AIG1: variants seen among roughly 807,000 people sequenced by gnomAD.
AIG1 encodes the protein androgen induced 1, also known as androgen-induced gene 1 protein.
Under a neutral mutation model 31.4 loss-of-function variants are expected in AIG1, and 23 were observed. The observed-to-expected ratio is 0.73, with a 90% confidence interval of 0.53 to 1.04. The LOEUF is 1.04. Among genes scored for constraint, AIG1 ranks in the 50% least tolerant of loss-of-function variants. AIG1 has a pLI of 0.00. For missense variants in AIG1, 274 were observed against 295.0 expected (o/e 0.93, Z 0.52); for synonymous variants, 100 against 110.5 (o/e 0.90, Z 0.60).
At chr6:143,341,338 C>T (rs1223474248), downstream of AIG1, among the ~76,000 whole-genome samples, 1 of 152,198 alleles carries the variant, frequency 6.6e-6, no homozygotes, top group Non-Finnish European at 1.5e-5. Context: ...CTACATGTAT[C>T]TTACCTGTCT....
intron 4 of AIG1, among the ~76,000 whole-genome samples, chr6:143,309,335 A>T (rs1172275100): frequency 1.3e-5 from 2 of 152,136 alleles, no homozygotes; most frequent in Non-Finnish European, 2.9e-5. Context: ...GATCTACACT[A>T]AAAGAAGAGC....
intron 1 of AIG1, among the ~76,000 whole-genome samples, chr6:143,125,321 C>T (rs1338729614): frequency 6.6e-6 from 1 of 152,146 alleles, no homozygotes; most frequent in African/African-American, 2.4e-5. Flanking sequence ...AGAGGTTAGG[C>T]ACTTAAAAGC....
At chr6:143,217,671 G>T (rs1792138723) in intron 3 of AIG1, among the ~76,000 whole-genome samples, 1 of 152,002 alleles carries the variant, frequency 6.6e-6, no homozygotes, top group Non-Finnish European at 1.5e-5. Flanking sequence ...ACCACACCTG[G>T]CTAAGTTTTG....
chr6:143,202,877 G>A (rs1790814980), intron 3 of AIG1, among the ~76,000 whole-genome samples: 1 of 152,184 alleles, frequency 6.6e-6, no homozygotes, highest in South Asian at 2.1e-4. Context: ...TAAGATTCAT[G>A]TCCCAAGAGG....
chr6:143,146,402 A>G (rs1002972240), intron 2 of AIG1, among the ~76,000 whole-genome samples: 1 of 152,120 alleles, frequency 6.6e-6, no homozygotes, highest in African/African-American at 2.4e-5. Flanking sequence ...GGGACCAGGG[A>G]CAAGATGCAA....
chr6:143,091,856 C>T (rs1459814202), intron 1 of AIG1, among the ~76,000 whole-genome samples: 1 of 152,126 alleles, frequency 6.6e-6, no homozygotes, highest in African/African-American at 2.4e-5. Context: ...ACTATTGCTT[C>T]TCTTTGTTTA....
intron 1 of AIG1, among the ~76,000 whole-genome samples, chr6:143,120,838 T>G (rs1782177622): frequency 6.6e-6 from 1 of 152,218 alleles, no homozygotes; most frequent in Admixed American, 6.5e-5. Context: ...TCTGCAGCAC[T>G]GTGACATGTT....
chr6:143,164,857 C>T (rs1268397739), intron 2 of AIG1: 2 of 398,000 alleles, frequency 5.0e-6, no homozygotes, highest in Non-Finnish European at 9.1e-6. Context: ...AATCCCTTTG[C>T]CTGAAAGAAC....
chr6:143,133,357 G>T (rs916734573), intron 1 of AIG1, among the ~76,000 whole-genome samples: 2 of 151,982 alleles, frequency 1.3e-5, no homozygotes, highest in African/African-American at 4.8e-5. Context: ...AGACAATAAG[G>T]CCTCTTCTAT....
chr6:143,235,765 C>A (rs1329817642), intron 3 of AIG1, among the ~76,000 whole-genome samples: 3 of 152,162 alleles, frequency 2.0e-5, no homozygotes, highest in African/African-American at 7.2e-5. Flanking sequence ...AACAGGGAAA[C>A]CATGTATTTT....
intron 4 of AIG1, among the ~76,000 whole-genome samples, chr6:143,311,719 G>C (rs1007502134): frequency 1.3e-5 from 2 of 151,922 alleles, no homozygotes; most frequent in African/African-American, 2.4e-5. Flanking sequence ...GTCCTAGCTA[G>C]AGCAATCAGA....
intron 3 of AIG1, among the ~76,000 whole-genome samples, chr6:143,203,817 T>C (rs1790894845): frequency 6.6e-6 from 1 of 152,220 alleles, no homozygotes; most frequent in Non-Finnish European, 1.5e-5. Flanking sequence ...ACAGAAGACA[T>C]GGCTGGATGA....
At chr6:143,343,434 C>G, downstream of AIG1, 2 of 479,698 alleles carry the variant, frequency 4.2e-6, no homozygotes, top group East Asian at 4.9e-5. Context: ...CCGGAGAGCC[C>G]CAGGAGACAT....
chr6:143,083,313 A>C (rs1778455553), intron 1 of AIG1, among the ~76,000 whole-genome samples: 1 of 152,216 alleles, frequency 6.6e-6, no homozygotes, highest in African/African-American at 2.4e-5. Context: ...AACTGGCTCA[A>C]GTCTTGGGCT....
intron 3 of AIG1, among the ~76,000 whole-genome samples, chr6:143,282,296 T>G (rs1797388499): frequency 1.3e-5 from 2 of 152,180 alleles, no homozygotes; most frequent in South Asian, 4.1e-4. Context: ...TTATCATCAG[T>G]GTAAAGGTTT....
intron 3 of AIG1, among the ~76,000 whole-genome samples, chr6:143,274,739 T>G (rs55869669): frequency 3.9e-5 from 6 of 152,324 alleles, no homozygotes; most frequent in Non-Finnish European, 7.3e-5. Context: ...AGAGCATGTT[T>G]TAGAGTCAGG....
chr6:143,325,046 A>G lies in AIG1; in HGVS notation c.516-8236A>G, dbSNP rs1776497039. Among the ~76,000 whole-genome samples, 1 of 152,214 alleles carries G rather than the reference A, an allele frequency of 6.6e-6. No individual in the cohort carries two copies. Among genetic ancestry groups the G allele is most frequent in the Non-Finnish European group, 1.5e-5 (1 of 68,042 alleles). ...CATCCAAAGTAGATTCGAATGTTGT[A>G]CATACCACTTGGAATCTGAAAATGC... On this transcript the variant is annotated intron_variant, in intron 4 of 5. Coordinates refer to ENST00000357847, the MANE Select transcript of AIG1 (RefSeq NM_016108.4). The surrounding 1 kb of genome is among the most constrained non-coding windows in gnomAD (Gnocchi z 4.3).
intron 3 of AIG1, among the ~76,000 whole-genome samples, chr6:143,254,666 G>A (rs1795251695): frequency 1.3e-5 from 2 of 151,964 alleles, no homozygotes; most frequent in South Asian, 4.2e-4. Flanking sequence ...TTATTATTTT[G>A]TTTCCTAAGG....
intron 1 of AIG1, among the ~76,000 whole-genome samples, chr6:143,091,140 A>G (rs772986451): frequency 6.6e-6 from 1 of 152,098 alleles, no homozygotes; most frequent in Non-Finnish European, 1.5e-5. Flanking sequence ...CAATTCAATC[A>G]TATCTTCAGA....
Sources: gnomAD v4.1 joint callset for allele counts (sites outside exome capture counted in the v4.1 genomes callset) on GRCh38, gnomAD v4.1.1 for gene constraint, Gnocchi (gnomAD v3.1) non-coding constraint, MANE v1.5 for transcripts, NCBI Gene and HGNC (gene_info 2026-07-23, HGNC 2026-07-21) for gene names.